The following NUP58 variants were observed in gnomAD, a reference collection of about 807,000 sequenced individuals.
NUP58 encodes the protein nucleoporin 58.
NUP58 carries 17 observed loss-of-function variants against 70.1 expected under a neutral mutation model. The observed-to-expected ratio is 0.24, with a 90% CI of 0.17 to 0.36. The LOEUF is 0.36. Among genes scored for constraint, NUP58 ranks in the 10% least tolerant of loss-of-function variants. The probability of loss-of-function intolerance (pLI) is 1.00; values close to 1 mark genes in which losing one functional copy is unlikely to be tolerated. For synonymous variants in NUP58, 275 were observed against 257.6 expected (o/e 1.07, Z -0.65); for missense variants, 644 against 701.5 (o/e 0.92, Z 0.93).
intron 9 of NUP58, among the ~76,000 whole-genome samples, chr13:25,324,139 C>G (rs1430718605): frequency 6.6e-6 from 1 of 152,060 alleles, no homozygotes; most frequent in African/African-American, 2.4e-5. Context: ...ATCATCTACA[C>G]ATGTATTTGT....
At chr13:25,336,084 A>T (rs2031770568) in intron 13 of NUP58, 2 of 1,238,542 alleles carry the variant, frequency 1.6e-6, no homozygotes, top group African/African-American at 3.3e-5. Flanking sequence ...AGGATGACTA[A>T]TCGTTCTGCT....
At chr13:25,320,770 A>G (rs2031145938) in intron 8 of NUP58, 149 bp from the exon 9 acceptor site, 6 of 725,410 alleles carry the variant, frequency 8.3e-6, no homozygotes, top group Middle Eastern at 4.0e-4. Flanking sequence ...TTAAAATTGT[A>G]TAACTTCCAT....
In NUP58 at chr13:25,328,085, G is replaced by C. The variant is rs535212081; in HGVS notation, c.1233+573G>C. 9.7e-4 allele frequency among the ~76,000 whole-genome samples: 148 copies of C among 152,034 alleles called. 1 individual carries two copies. Among genetic ancestry groups the C allele is most frequent in the Non-Finnish European group, 5.7e-4 (39 of 67,980 alleles). On this transcript the variant is annotated intron_variant, in intron 12 of 15. Coordinates refer to ENST00000381736, the MANE Select transcript of NUP58 (RefSeq NM_014089.4). ...ATGGTGGCGGGCACTTGTAGTCCCA[G>C]CTACCTGGGAGGCTGAGGCAGGAGA...
intron 12 of NUP58, among the ~76,000 whole-genome samples, chr13:25,328,480 C>G (rs190758358): frequency 9.3e-4 from 140 of 150,910 alleles, no homozygotes; most frequent in Admixed American, 2.9e-3. Context: ...ACTGCAACCT[C>G]CACCTCCTGG....
intron 9 of NUP58, among the ~76,000 whole-genome samples, chr13:25,322,028 C>T (rs562240025): frequency 2.0e-5 from 3 of 152,286 alleles, no homozygotes; most frequent in Non-Finnish European, 4.4e-5. Context: ...AAATATATGT[C>T]GTTCTTTTCT....
intron 12 of NUP58, among the ~76,000 whole-genome samples, chr13:25,329,882 G>A (rs779197215): frequency 6.6e-6 from 1 of 152,136 alleles, no homozygotes; most frequent in Non-Finnish European, 1.5e-5. Context: ...GAGTGCAGTG[G>A]CGTAATCATG....
Position 25,321,107 on chromosome 13 carries a change from T to C in NUP58, c.951+14T>C, listed in dbSNP as rs545018313. 53 of 1,561,818 alleles carry C rather than the reference T, an allele frequency of 3.4e-5. No individual in the cohort carries two copies. The African/African-American group carries it at 6.6e-4, about 19-fold the overall frequency. On this transcript the variant is annotated intron_variant, in intron 9 of 15. Transcript: ENST00000381736. ...GAAACTGCTCAGGTATACCAACTTA[T>C]GGCCATTTTACCGTAGGGTTTTTTT...
chr13:25,331,534 A>T lies in NUP58; in HGVS notation c.1411A>T (p.Thr471Ser). 6.2e-7 allele frequency: 1 copy of T among 1,614,050 alleles called. No individual in the cohort carries two copies. Among genetic ancestry groups the T allele is most frequent in the South Asian group, 1.1e-5 (1 of 91,086 alleles). ...AAAVAMAATLTQQQQPATGPQ... is the reference protein window; with the variant it reads ...AAAVAMAATLSQQQQPATGPQ... ...AGCCGTTGCCATGGCTGCAACACTT[A>T]CACAGCAGCAACAGCCTGCTACAGG... is the stretch of plus-strand genomic sequence containing the variant. The change falls in exon 13 of 16, where the codon ACA becomes TCA. Residue 471 changes from threonine (T) to serine (S), a missense_variant. Around this residue, in one of 4 missense-constraint regions of NUP58, gnomAD observed 132 missense variants for 203.9 expected, o/e 0.65. Transcript: ENST00000381736.
chr13:25,328,427 G>A (rs1225646996), intron 12 of NUP58, among the ~76,000 whole-genome samples: 2 of 114,042 alleles, frequency 1.8e-5, no homozygotes, highest in African/African-American at 7.0e-5. Context: ...ACAGACTCTT[G>A]CTCTGTCGCC....
At chr13:25,312,827 T>C in intron 3 of NUP58, 56 bp from the exon 4 acceptor site, 1 of 1,519,088 alleles carries the variant, frequency 6.6e-7, no homozygotes, top group Non-Finnish European at 8.9e-7. Context: ...AATAGAACAC[T>C]TACAGGTAAA....
chr13:25,315,318 G>C, intron 5 of NUP58, 39 bp from the exon 6 acceptor site: 1 of 1,421,968 alleles, frequency 7.0e-7, no homozygotes, highest in Non-Finnish European at 9.9e-7. Flanking sequence ...AATTGTTGTA[G>C]TCTTTTGATG....
chr13:25,349,449 G>A (rs940952861), intron 3 of NUP58: 1 of 152,450 alleles, frequency 6.6e-6, no homozygotes, highest in Admixed American at 6.5e-5. Flanking sequence ...TGACTGTGAA[G>A]ATTAAAATGG....
At chr13:25,348,178 C>T (rs1309984624) in intron 3 of NUP58, among the ~76,000 whole-genome samples, 3 of 151,924 alleles carry the variant, frequency 2.0e-5, no homozygotes, top group South Asian at 2.1e-4. Context: ...AAATATTGGG[C>T]GACATTTAAG....
rs927908122 is a variant in NUP58 at position 25,324,997 on chromosome 13, G to A, written c.960G>A (p.Lys320=). 4 of 1,561,886 alleles carry A rather than the reference G, an allele frequency of 2.6e-6. No individual in the cohort carries two copies. Among genetic ancestry groups the A allele is most frequent in the Non-Finnish European group, 1.8e-6 (2 of 1,141,782 alleles). The change falls in exon 10 of 16, where the codon AAG becomes AAA. Residue 320 remains lysine (K), a synonymous_variant. Transcript: ENST00000381736. ...KLKIETAQEL[K]NAEIALRTQK... ...ATCCTCTGGTATATTAGGAGTTGAA[G>A]AATGCTGAAATAGCTTTAAGAACCC...
intron 5 of NUP58, among the ~76,000 whole-genome samples, chr13:25,314,651 T>C (rs1391469713): frequency 1.3e-5 from 2 of 152,090 alleles, no homozygotes; most frequent in South Asian, 2.1e-4. Flanking sequence ...GCCGAGATCA[T>C]GCCATTGCAC....
In NUP58 at chr13:25,331,260, T is replaced by G. The variant is rs1004677540; in HGVS notation, c.1234-97T>G. 5.6e-5 allele frequency: 64 copies of G among 1,136,712 alleles called. 1 individual carries two copies. The Middle Eastern group carries it at 8.5e-4, about 15-fold the overall frequency. 70.4% of individuals were successfully genotyped at this position (1,136,712 alleles called of 1,614,324 possible). On this transcript the variant is annotated intron_variant, in intron 12 of 15. Transcript: ENST00000381736. Reference sequence around the variant, plus strand: ...GCAGTTTGGATTGAATGTATAATATTGGGACTGTCTTTGGTAATTTATGGT... The same window carrying G: ...GCAGTTTGGATTGAATGTATAATATGGGGACTGTCTTTGGTAATTTATGGT...
rs112045892 is a variant in NUP58 at position 25,312,568 on chromosome 13, G to A, written c.287-315G>A. On this transcript the variant is annotated intron_variant, in intron 3 of 15. Coordinates refer to ENST00000381736, the MANE Select transcript of NUP58 (RefSeq NM_014089.4). ...TTTTAGCTAGAGGCAGGGTTTCACC[G>A]TGTTGGCCAGGCTGGTCTTGAACTC... 5.5e-3 allele frequency among the ~76,000 whole-genome samples: 838 copies of A among 152,192 alleles called. 7 individuals are homozygous for A. Among genetic ancestry groups the A allele is most frequent in the African/African-American group, 0.018 (739 of 41,540 alleles).
At chr13:25,348,100 G>A (rs934071053) in intron 3 of NUP58, among the ~76,000 whole-genome samples, 15 of 152,176 alleles carry the variant, frequency 9.9e-5, no homozygotes, top group African/African-American at 2.9e-4. Flanking sequence ...TGTGGTGGGC[G>A]TGATTGAGGA....
At chr13:25,310,865 C>G (rs914875956) in intron 3 of NUP58, among the ~76,000 whole-genome samples, 5 of 152,116 alleles carry the variant, frequency 3.3e-5, no homozygotes, top group Non-Finnish European at 7.3e-5. Context: ...AACCATGCAG[C>G]CTTGTGTCTA....
Sources: allele counts gnomAD v4.1 joint callset (sites outside exome capture counted in the v4.1 genomes callset), GRCh38; gene constraint gnomAD v4.1.1; regional missense constraint gnomAD v4.1.1; transcripts MANE v1.5; gene names NCBI Gene and HGNC (gene_info 2026-07-23, HGNC 2026-07-21).